TMEM150C: variants seen among roughly 807,000 people sequenced by gnomAD.
TMEM150C encodes tentonin 3.
Under a neutral mutation model 29.9 loss-of-function variants are expected in TMEM150C, and 10 were observed. That is an observed-to-expected ratio of 0.33 (90% CI 0.21 to 0.57). The LOEUF is 0.57. Ranked by LOEUF, TMEM150C falls within the 20% of genes least tolerant of loss-of-function variation. The probability of loss-of-function intolerance (pLI) is 0.88; values close to 1 mark genes in which losing one functional copy is unlikely to be tolerated. For missense variants in TMEM150C, 251 were observed against 303.6 expected (o/e 0.83, Z 1.29); for synonymous variants, 101 against 112.5 (o/e 0.90, Z 0.64).
At chr4:82,515,566 G>A (rs747760684) in intron 1 of TMEM150C, among the ~76,000 whole-genome samples, 1 of 151,760 alleles carries the variant, frequency 6.6e-6, no homozygotes, top group African/African-American at 2.4e-5. Context: ...GTGAAACCCC[G>A]TCTCTACTAA....
chr4:82,526,350 C>T (rs138292175), intron 1 of TMEM150C, among the ~76,000 whole-genome samples: 1 of 152,312 alleles, frequency 6.6e-6, no homozygotes, highest in East Asian at 1.9e-4. Flanking sequence ...ATCCTATCTG[C>T]TCAATTGGCC....
At chr4:82,518,883 G>C (rs1446995253) in intron 1 of TMEM150C, among the ~76,000 whole-genome samples, 1 of 152,184 alleles carries the variant, frequency 6.6e-6, no homozygotes, top group Non-Finnish European at 1.5e-5. Flanking sequence ...TCAGTTATTA[G>C]ATAGCCTGTT....
chr4:82,486,455 G>A (rs1723165570), intron 7 of TMEM150C, among the ~76,000 whole-genome samples: 1 of 151,054 alleles, frequency 6.6e-6, no homozygotes. Flanking sequence ...CTGCCGACAT[G>A]TAAGTTGTGT....
intron 1 of TMEM150C, among the ~76,000 whole-genome samples, chr4:82,517,908 G>C (rs575202297): frequency 1.9e-4 from 29 of 152,336 alleles, no homozygotes; most frequent in African/African-American, 6.5e-4. Flanking sequence ...AGTTAACCAA[G>C]AAAATGAAGC....
intron 5 of TMEM150C, among the ~76,000 whole-genome samples, chr4:82,499,395 C>T (rs1382444902): frequency 3.9e-5 from 6 of 152,090 alleles, no homozygotes; most frequent in Admixed American, 3.9e-4. Flanking sequence ...ATACAGGTGT[C>T]CCCTACTTAA....
intron 1 of TMEM150C, among the ~76,000 whole-genome samples, chr4:82,540,167 G>T: frequency 2.4e-5 from 2 of 82,922 alleles, no homozygotes; most frequent in Admixed American, 1.9e-4. Flanking sequence ...ACAAGGTCTT[G>T]CTCTGTTGTC....
chr4:82,496,308 G>T, intron 5 of TMEM150C, 113 bp from the exon 6 acceptor site: 1 of 1,098,490 alleles, frequency 9.1e-7, no homozygotes, highest in Non-Finnish European at 1.3e-6. Flanking sequence ...TTAGGTAAGA[G>T]GCAGAATTCT....
At chr4:82,533,748 T>G (rs1404969423) in intron 1 of TMEM150C, among the ~76,000 whole-genome samples, 1 of 152,216 alleles carries the variant, frequency 6.6e-6, no homozygotes, top group Admixed American at 6.5e-5. Flanking sequence ...TAAGCTAGAT[T>G]TGTAGAAACA....
At chr4:82,493,153 G>A (rs1723428063) in intron 6 of TMEM150C, among the ~76,000 whole-genome samples, 1 of 151,208 alleles carries the variant, frequency 6.6e-6, no homozygotes, top group South Asian at 2.1e-4. Context: ...TGTTCATAAG[G>A]GTTGCATCAA....
intron 1 of TMEM150C, among the ~76,000 whole-genome samples, chr4:82,531,372 C>G (rs1469238799): frequency 6.6e-6 from 1 of 152,026 alleles, no homozygotes; most frequent in Non-Finnish European, 1.5e-5. Context: ...GTTGCAATAA[C>G]CCAGGTGGAC....
intron 1 of TMEM150C, among the ~76,000 whole-genome samples, chr4:82,520,651 A>T (rs1428218515): frequency 1.3e-5 from 2 of 152,198 alleles, no homozygotes; most frequent in East Asian, 3.8e-4. Context: ...ACCAGCACGG[A>T]GGTGGGTGCA....
chr4:82,495,420 G>T, intron 6 of TMEM150C: 1 of 289,186 alleles, frequency 3.5e-6, no homozygotes, highest in South Asian at 3.6e-5. Flanking sequence ...AAACCTGGGC[G>T]ACAGAGCGAG....
intron 1 of TMEM150C, among the ~76,000 whole-genome samples, chr4:82,519,616 G>A (rs2110077937): frequency 6.6e-6 from 1 of 152,076 alleles, no homozygotes; most frequent in South Asian, 2.1e-4. Flanking sequence ...TAGTAGAGAT[G>A]GGGTTTTACC....
At chr4:82,526,271 C>G (rs533067143) in intron 1 of TMEM150C, among the ~76,000 whole-genome samples, 1 of 152,262 alleles carries the variant, frequency 6.6e-6, no homozygotes, top group Middle Eastern at 3.4e-3. Flanking sequence ...GAGATAAGGA[C>G]AACTATATTT....
chr4:82,499,690 T>C (rs1723667703), intron 5 of TMEM150C, among the ~76,000 whole-genome samples: 1 of 115,980 alleles, frequency 8.6e-6, no homozygotes, highest in Non-Finnish European at 1.6e-5. Flanking sequence ...GCCATTGCAC[T>C]CCAGCCTGGG....
chr4:82,492,267 T>A (rs1393556108), intron 6 of TMEM150C, among the ~76,000 whole-genome samples: 1 of 152,146 alleles, frequency 6.6e-6, no homozygotes, highest in Admixed American at 6.5e-5. Flanking sequence ...TAGCTGGGAT[T>A]ACAGGCATAT....
At chr4:82,559,107 C>T (rs1250660196) in intron 1 of TMEM150C, among the ~76,000 whole-genome samples, 1 of 152,208 alleles carries the variant, frequency 6.6e-6, no homozygotes, top group African/African-American at 2.4e-5. Context: ...AACTCCACCG[C>T]CTATCCCAAA....
At chr4:82,544,005 A>G (rs1268408984) in intron 1 of TMEM150C, among the ~76,000 whole-genome samples, 1 of 152,148 alleles carries the variant, frequency 6.6e-6, no homozygotes, top group Non-Finnish European at 1.5e-5. Flanking sequence ...TGTTTTACCA[A>G]ATTTTGATGG....
At chr4:82,502,553 T>C (rs2110069005) in intron 5 of TMEM150C, among the ~76,000 whole-genome samples, 174 bp downstream of exon 5, 1 of 152,262 alleles carries the variant, frequency 6.6e-6, no homozygotes, top group East Asian at 1.9e-4. Flanking sequence ...TGAACGTAAA[T>C]GGATGTACGA....
Sources: gnomAD v4.1 joint callset for allele counts (sites outside exome capture counted in the v4.1 genomes callset) on GRCh38, gnomAD v4.1.1 for gene constraint, MANE v1.5 for transcripts, NCBI Gene and HGNC (gene_info 2026-07-23, HGNC 2026-07-21) for gene names.